CNTLN: variants seen among roughly 807,000 people sequenced by gnomAD.
CNTLN encodes the protein centlein, centrosomal protein.
In CNTLN, 212 loss-of-function variants were observed where a neutral mutation model predicts 180.0. The observed-to-expected ratio is 1.18, with a 90% CI of 1.05 to 1.32. The LOEUF is 1.32. CNTLN is among the 40% of genes most tolerant of loss of function. The pLI is 0.00. For synonymous variants in CNTLN, 722 were observed against 563.1 expected, an observed-to-expected ratio of 1.28 and a Z score of -3.99; for missense variants, 2,095 against 1,610.9, an observed-to-expected ratio of 1.30 and a Z score of -5.14.
Position 17,298,291 on chromosome 9 carries a change from C to G in CNTLN, c.1085C>G (p.Thr362Arg), listed in dbSNP as rs143643420. The change falls in exon 7 of 26, where the codon ACA (threonine) becomes AGA (arginine). Residue 362 changes from threonine to arginine, a missense_variant. By Grantham distance (71) the Thr-to-Arg change is moderately conservative (BLOSUM62 -1). Coordinates refer to ENST00000380647, the MANE Select transcript of CNTLN (RefSeq NM_017738.4). ...IQQLQVLNMD[T>R]QKVLRNQEDV... ...CAGCTTCAGGTTCTCAATATGGACA[C>G]ACAAAAAGTACTGAGAAATCAGGAA... 2 of 1,613,390 alleles carry G rather than the reference C, an allele frequency of 1.2e-6. No individual in the cohort carries two copies. Among genetic ancestry groups the G allele is most frequent in the South Asian group, 1.1e-5 (1 of 90,932 alleles).
intron 8 of CNTLN, among the ~76,000 whole-genome samples, chr9:17,315,604 A>G (rs1236405075): frequency 2.6e-5 from 4 of 151,978 alleles, no homozygotes; most frequent in Non-Finnish European, 4.4e-5. Context: ...TGAGATTCCA[A>G]TTACACACAT....
At chr9:17,287,183 C>G (rs907809624) in intron 6 of CNTLN, among the ~76,000 whole-genome samples, 1 of 150,434 alleles carries the variant, frequency 6.6e-6, no homozygotes, top group South Asian at 2.1e-4. Flanking sequence ...TACGTCCCAT[C>G]AATACCTAAT....
chr9:17,439,587 T>C (rs1829988655), intron 18 of CNTLN, among the ~76,000 whole-genome samples: 1 of 152,218 alleles, frequency 6.6e-6, no homozygotes, highest in African/African-American at 2.4e-5. Flanking sequence ...TAAATACTTG[T>C]AGTAAGATTA....
Position 17,470,816 on chromosome 9 carries a change from G to A in CNTLN, c.3855+3925G>A, listed in dbSNP as rs528120267. 2.0e-5 allele frequency among the ~76,000 whole-genome samples: 3 copies of A among 152,172 alleles called. No individual in the cohort carries two copies. The South Asian group carries it at 6.2e-4, about 32-fold the overall frequency. ...CAGCCAAAAAAACAGTATTTAGCTG[G>A]AAGCATAAATGGTTTCATTATCAAT... is the stretch of plus-strand genomic sequence containing the variant. On this transcript the variant is annotated intron_variant, in intron 23 of 25. Coordinates refer to ENST00000380647, the MANE Select transcript of CNTLN (RefSeq NM_017738.4).
chr9:17,520,387 C>T, the CNTLN span, among the ~76,000 whole-genome samples: 3 of 152,204 alleles, frequency 2.0e-5, no homozygotes, highest in Admixed American at 6.5e-5. Flanking sequence ...ATCAGAGAAA[C>T]AGTCCCTTAA....
chr9:17,241,405 A>G (rs988310625), intron 5 of CNTLN, among the ~76,000 whole-genome samples: 2 of 152,050 alleles, frequency 1.3e-5, no homozygotes. Context: ...ATTCTGCTCC[A>G]TTGGTCTATG....
intron 5 of CNTLN, among the ~76,000 whole-genome samples, chr9:17,265,619 GCTC>G (rs1428807768): frequency 1.3e-5 from 2 of 152,076 alleles, no homozygotes; most frequent in African/African-American, 4.8e-5. Context: ...AGTGGTACCA[GCTC>G]CTCTTTGTAC....
intron 24 of CNTLN, 86 bp downstream of exon 24, chr9:17,484,566 A>C: frequency 9.1e-7 from 1 of 1,098,878 alleles, no homozygotes; most frequent in South Asian, 1.7e-5. Context: ...TACCTCTTAG[A>C]ATTTCATCTT....
chr9:17,278,450 G>A (rs1317061205), intron 6 of CNTLN, among the ~76,000 whole-genome samples: 2 of 151,826 alleles, frequency 1.3e-5, no homozygotes, highest in Non-Finnish European at 2.9e-5. Context: ...CCCAGAGTGT[G>A]GTGTGTCATT....
chr9:17,462,845 G>A (rs1831531289), intron 19 of CNTLN, 71 bp from the exon 20 acceptor site: 2 of 565,974 alleles, frequency 3.5e-6, no homozygotes, highest in South Asian at 3.9e-5. Context: ...CTTTAGAATG[G>A]CACTTATTTT....
intron 2 of CNTLN, among the ~76,000 whole-genome samples, chr9:17,203,249 C>T (rs1029831075): frequency 1.3e-5 from 2 of 152,200 alleles, no homozygotes; most frequent in Non-Finnish European, 2.9e-5. Context: ...CCTGACCTTT[C>T]TCTCCGGCTG....
intron 2 of CNTLN, among the ~76,000 whole-genome samples, chr9:17,166,567 G>A (rs930868163): frequency 1.3e-5 from 2 of 152,232 alleles, no homozygotes; most frequent in African/African-American, 4.8e-5. Flanking sequence ...GAATGTTGGA[G>A]ATAGTGAGAT....
the CNTLN span, among the ~76,000 whole-genome samples, chr9:17,510,618 C>G: frequency 1.3e-5 from 2 of 152,230 alleles, no homozygotes; most frequent in East Asian, 3.9e-4. Flanking sequence ...AGAGAGAAGT[C>G]TGCTAGCAGT....
intron 2 of CNTLN, among the ~76,000 whole-genome samples, chr9:17,173,682 A>C (rs990746092): frequency 1.3e-5 from 2 of 152,178 alleles, no homozygotes; most frequent in African/African-American, 4.8e-5. Flanking sequence ...ACATTGTTGG[A>C]GAAGACTAGT....
intron 5 of CNTLN, among the ~76,000 whole-genome samples, chr9:17,267,703 C>T (rs915150286): frequency 1.3e-5 from 2 of 152,194 alleles, no homozygotes; most frequent in African/African-American, 4.8e-5. Flanking sequence ...GGTCTTTTCA[C>T]ATAGTCCCAT....
In CNTLN at chr9:17,418,105, T is replaced by G. The variant is rs547036208; in HGVS notation, c.3114+1916T>G. Among the ~76,000 whole-genome samples the G allele has an allele frequency of 1.6e-3, 240 of 152,000 alleles. 2 individuals carry two copies. The highest frequency in any genetic ancestry group is 1.9e-3 in the Non-Finnish European group (132 of 67,878). ...TATAGGTATAACTTATATTTCATTG[T>G]TATATGTAATTTTATTTTTTAATAC... On this transcript the variant is annotated intron_variant, in intron 18 of 25. Transcript: ENST00000380647.
At chr9:17,456,069 G>A (rs1210964741) in intron 18 of CNTLN, among the ~76,000 whole-genome samples, 2 of 152,078 alleles carry the variant, frequency 1.3e-5, no homozygotes, top group East Asian at 3.9e-4. Flanking sequence ...GAGATAATGA[G>A]GGTTTGCATT....
At chr9:17,333,666 A>G (rs1486142091) in intron 10 of CNTLN, among the ~76,000 whole-genome samples, 2 of 152,208 alleles carry the variant, frequency 1.3e-5, no homozygotes, top group Admixed American at 6.5e-5. Flanking sequence ...AAGTTTAAAC[A>G]TTAAGTTTTA....
At chr9:17,356,216 A>T (rs1461701875) in intron 12 of CNTLN, among the ~76,000 whole-genome samples, 1 of 152,206 alleles carries the variant, frequency 6.6e-6, no homozygotes. Context: ...TTTTAAAGAA[A>T]GACAATGAAC....
Sources: allele counts gnomAD v4.1 joint callset (sites outside exome capture counted in the v4.1 genomes callset), GRCh38; gene constraint gnomAD v4.1.1; transcripts MANE v1.5; gene names NCBI Gene and HGNC (gene_info 2026-07-23, HGNC 2026-07-21).